The following C3orf20 variants were observed in gnomAD, a reference collection of about 807,000 sequenced individuals.
The protein encoded by C3orf20 is family with sequence similarity 149 member C.
C3orf20 carries 76 observed loss-of-function variants against 88.3 expected under a neutral mutation model. The ratio of observed to expected loss-of-function variants is 0.86; its 90% CI spans 0.72 to 1.04. The LOEUF (loss-of-function observed/expected upper bound fraction) is 1.04, where lower values mean the gene tolerates loss of function less well. C3orf20 is among the 50% of genes least tolerant of loss of function. C3orf20 has a pLI of 0.00. For missense variants in C3orf20, 1,056 were observed against 1,123.3 expected (o/e 0.94, Z 0.86); for synonymous variants, 436 against 437.4 (o/e 1.00, Z 0.04).
At chr3:14,743,855 G>A (rs866033677) in intron 12 of C3orf20, among the ~76,000 whole-genome samples, 4 of 151,970 alleles carry the variant, frequency 2.6e-5, no homozygotes, top group African/African-American at 4.9e-5. Flanking sequence ...TGGGACACAG[G>A]GCACCAAGCC....
At chr3:14,694,493 G>A (rs935641437) in intron 5 of C3orf20, among the ~76,000 whole-genome samples, 1 of 151,968 alleles carries the variant, frequency 6.6e-6, no homozygotes, top group African/African-American at 2.4e-5. Context: ...TCATAATAGG[G>A]ACTAATGATC....
chr3:14,714,265 G>C (rs1001085230), intron 8 of C3orf20, 106 bp downstream of exon 8: 1 of 1,272,868 alleles, frequency 7.9e-7, no homozygotes, highest in African/African-American at 1.5e-5. Context: ...GAAGCCAGGC[G>C]GTGTCCAGAG....
intron 15 of C3orf20, among the ~76,000 whole-genome samples, chr3:14,766,702 C>T (rs1416348349): frequency 1.3e-5 from 2 of 152,194 alleles, no homozygotes; most frequent in African/African-American, 4.8e-5. Flanking sequence ...GGACTTGTGA[C>T]AGTGGTGACG....
chr3:14,771,753 C>G (rs2035863487), intron 15 of C3orf20, among the ~76,000 whole-genome samples: 1 of 149,722 alleles, frequency 6.7e-6, no homozygotes, highest in Non-Finnish European at 1.5e-5. Flanking sequence ...GACACATTTC[C>G]TTTGCCCCCT....
At chr3:14,700,722 C>G (rs923487541) in intron 5 of C3orf20, among the ~76,000 whole-genome samples, 2 of 152,218 alleles carry the variant, frequency 1.3e-5, no homozygotes, top group Non-Finnish European at 2.9e-5. Context: ...TTAGCCTTGC[C>G]TCATAGCTCG....
intron 14 of C3orf20, among the ~76,000 whole-genome samples, chr3:14,760,736 A>C (rs1334190759): frequency 6.6e-6 from 1 of 151,100 alleles, no homozygotes; most frequent in African/African-American, 2.4e-5. Flanking sequence ...CAGCCTCCCA[A>C]GTAGCTGGGA....
rs756222475 is a variant in C3orf20 at position 14,703,253 on chromosome 3, G to A, written c.869G>A (p.Cys290Tyr). The A allele has an allele frequency of 6.8e-6, 11 of 1,614,012 alleles. No individual in the cohort carries two copies. Among genetic ancestry groups the A allele is most frequent in the Non-Finnish European group, 8.5e-6 (10 of 1,180,048 alleles). Residue 290 changes from cysteine to tyrosine, a missense_variant, in exon 6 of 17, where the codon TGT becomes TAT. Coordinates refer to ENST00000253697, the MANE Select transcript of C3orf20 (RefSeq NM_032137.5). Reference protein sequence around the residue: ...PEAREKLQELCRHIEAERATW... With the variant: ...PEAREKLQELYRHIEAERATW... ...GCCCGGGAGAAGCTGCAGGAGTTGT[G>A]TCGCCACATGTGAGCACCTCAGTGC...
chr3:14,694,965 A>G (rs1200478117), intron 5 of C3orf20, among the ~76,000 whole-genome samples: 2 of 151,890 alleles, frequency 1.3e-5, no homozygotes, highest in African/African-American at 2.4e-5. Flanking sequence ...TAATTTTTGT[A>G]TTTTTAGTAG....
intron 5 of C3orf20, among the ~76,000 whole-genome samples, chr3:14,699,120 G>C (rs527963072): frequency 3.9e-5 from 6 of 152,250 alleles, no homozygotes; most frequent in African/African-American, 1.4e-4. Flanking sequence ...GGACTCTTCA[G>C]TTAGGCCTGG....
chr3:14,741,448 C>G (rs578093250), intron 12 of C3orf20, among the ~76,000 whole-genome samples: 50 of 152,330 alleles, frequency 3.3e-4, no homozygotes, highest in African/African-American at 1.2e-3. Flanking sequence ...ATTAGTTTCT[C>G]TCTTTTACCA....
intron 4 of C3orf20, among the ~76,000 whole-genome samples, chr3:14,689,433 G>A (rs532926132): frequency 5.9e-5 from 9 of 152,238 alleles, no homozygotes; most frequent in Non-Finnish European, 1.0e-4. Context: ...GACTATATTT[G>A]GGGGAAGAAT....
intron 5 of C3orf20, among the ~76,000 whole-genome samples, chr3:14,690,491 C>A (rs1278778973): frequency 6.6e-6 from 1 of 152,204 alleles, no homozygotes; most frequent in East Asian, 1.9e-4. Context: ...AGTGGGGGAA[C>A]TAGTATCTGA....
intron 4 of C3orf20, among the ~76,000 whole-genome samples, chr3:14,686,049 A>T (rs1019557865): frequency 2.0e-5 from 3 of 151,742 alleles, no homozygotes; most frequent in Non-Finnish European, 2.9e-5. Flanking sequence ...TTTAGTAGAG[A>T]CGGGGTTTCA....
At position 14,699,624 on chromosome 3, in the gene C3orf20, A is replaced by C. The variant is rs950041843; in HGVS notation, c.746-3506A>C. ...CCTACTGTGGCTAAACTGGTATCCA[A>C]GATGCAAAACAAAGTCCTTTTTACT... is the stretch of plus-strand genomic sequence containing the variant. On this transcript the variant is annotated intron_variant, in intron 5 of 16. Transcript: ENST00000253697. 7.2e-5 allele frequency among the ~76,000 whole-genome samples: 11 copies of C among 152,226 alleles called. No homozygotes were observed. The East Asian group carries it at 2.1e-3, about 29-fold the overall frequency.
Position 14,726,947 on chromosome 3 carries a change from GC to G in C3orf20, c.1615del (p.Arg539GlufsTer14). ...SNMDDKVYKM[S>X]RALAEIKKRF... ...ATGGACGACAAGGTGTATAAGATGA[GC>G]CGAGCCCTGGCTGAGATCAAGAAGC... On this transcript the variant is annotated frameshift_variant, in exon 11 of 17. Coordinates refer to ENST00000253697, the MANE Select transcript of C3orf20 (RefSeq NM_032137.5). LOFTEE classifies it high-confidence loss of function. The G allele has an allele frequency of 6.2e-7, 1 of 1,614,144 alleles. No individual in the cohort carries two copies. The highest frequency in any genetic ancestry group is 8.5e-7 in the Non-Finnish European group (1 of 1,180,022).
At position 14,704,340 on chromosome 3, in the gene C3orf20, A is replaced by G; in HGVS notation, c.882A>G (p.Glu294=). The part of the protein sequence containing the change: ...EKLQELCRHI[E]AERATWKGRN... ...ATATTGCTCTCCTTCTCTGCAGAGA[A>G]GCTGAAAGGGCCACATGGAAAGGGA... Residue 294 remains glutamate (E), a synonymous_variant, in exon 7 of 17, where the codon GAA becomes GAG. Coordinates refer to ENST00000253697, the MANE Select transcript of C3orf20 (RefSeq NM_032137.5). The G allele has an allele frequency of 6.2e-7, 1 of 1,614,052 alleles. No homozygotes were observed. Among genetic ancestry groups the G allele is most frequent in the Non-Finnish European group, 8.5e-7 (1 of 1,179,946 alleles).
chr3:14,712,149 A>G (rs1440681665), intron 7 of C3orf20, among the ~76,000 whole-genome samples: 2 of 144,982 alleles, frequency 1.4e-5, no homozygotes, highest in African/African-American at 5.2e-5. Context: ...AAGAAGAGAA[A>G]ACAGACACAC....
rs75016263 is a variant in C3orf20, at chr3:14,738,334, A to AT, written c.1940+9659dup. On this transcript the variant is annotated intron_variant, in intron 12 of 16. Transcript: ENST00000253697. ...AGGCATCTTCCACCATGCCCAACTA[A>AT]TTTTTTTTTTTTTAGATGGAGTCTT... is the stretch of plus-strand genomic sequence containing the variant. 9.2e-3 allele frequency among the ~76,000 whole-genome samples: 1,270 copies of AT among 138,656 alleles called. 7 individuals carry two copies. The highest frequency in any genetic ancestry group is 0.03 in the African/African-American group (1,115 of 37,752). 91.0% of individuals were successfully genotyped at this position (138,656 alleles called of 152,430 possible). A position where few individuals can be genotyped will look rare whatever the true frequency, so the allele number is the denominator to read the frequency against.
intron 7 of C3orf20, among the ~76,000 whole-genome samples, chr3:14,707,845 G>T (rs1203981057): frequency 1.1e-3 from 106 of 92,566 alleles, no homozygotes; most frequent in Middle Eastern, 0.01. Context: ...TTGAGACAGA[G>T]TTTCGCTCTT....
Sources: allele counts gnomAD v4.1 joint callset (sites outside exome capture counted in the v4.1 genomes callset), GRCh38; gene constraint gnomAD v4.1.1; transcripts MANE v1.5; gene names NCBI Gene and HGNC (gene_info 2026-07-23, HGNC 2026-07-21).